The following ALPK1 variants were observed in gnomAD, a reference collection of about 807,000 sequenced individuals.
ALPK1 encodes the protein alpha kinase 1.
A neutral mutation model predicts 120.6 loss-of-function variants in ALPK1; 110 were observed. The observed-to-expected ratio is 0.91, with a 90% CI of 0.78 to 1.07. The LOEUF (loss-of-function observed/expected upper bound fraction) is 1.07, where lower values mean the gene tolerates loss of function less well. ALPK1 is among the 50% of genes least tolerant of loss of function. The pLI, the probability that ALPK1 is intolerant of heterozygous loss-of-function variation, is 0.00. For missense variants in ALPK1, 1,498 were observed against 1,483.9 expected (o/e 1.01, Z -0.16); for synonymous variants, 582 against 560.3 (o/e 1.04, Z -0.55).
chr4:112,383,776 A>G (rs1732026852), intron 4 of ALPK1: 1 of 152,180 alleles, frequency 6.6e-6, no homozygotes, highest in Admixed American at 6.5e-5. Flanking sequence ...CAGTAAATCC[A>G]TCATAAGTTG....
intron 1 of ALPK1, among the ~76,000 whole-genome samples, chr4:112,311,363 T>C (rs1206825845): frequency 1.3e-5 from 2 of 152,240 alleles, no homozygotes; most frequent in Non-Finnish European, 2.9e-5. Flanking sequence ...ACAATGCTTA[T>C]ATATATTATC....
At chr4:112,337,171 AT>A (rs1729656040) in intron 2 of ALPK1, among the ~76,000 whole-genome samples, 1 of 152,104 alleles carries the variant, frequency 6.6e-6, no homozygotes, top group Non-Finnish European at 1.5e-5. Flanking sequence ...TCTACTTTTT[AT>A]AAATCATTAT....
At chr4:112,378,104 CT>C (rs1429861435) in intron 3 of ALPK1, among the ~76,000 whole-genome samples, 1 of 151,624 alleles carries the variant, frequency 6.6e-6, no homozygotes, top group Non-Finnish European at 1.5e-5. Context: ...CACTGAATTG[CT>C]GTCAGTTCTA....
chr4:112,317,099 G>A (rs1275703955), intron 2 of ALPK1, among the ~76,000 whole-genome samples: 1 of 152,018 alleles, frequency 6.6e-6, no homozygotes, highest in Non-Finnish European at 1.5e-5. Context: ...TGATTTTTTT[G>A]TTGTTGAGTT....
At chr4:112,381,633 C>T (rs1476675564) in intron 3 of ALPK1, among the ~76,000 whole-genome samples, 1 of 152,150 alleles carries the variant, frequency 6.6e-6, no homozygotes, top group Non-Finnish European at 1.5e-5. Context: ...CAGTCAAACA[C>T]AAAAAATTTT....
intron 1 of ALPK1, among the ~76,000 whole-genome samples, chr4:112,301,685 A>G (rs571120056): frequency 6.6e-6 from 1 of 152,290 alleles, no homozygotes; most frequent in East Asian, 1.9e-4. Context: ...CCTCTGGGGC[A>G]TTTGATACAT....
At chr4:112,356,677 G>A in intron 2 of ALPK1, 2 of 963,370 alleles carry the variant, frequency 2.1e-6, no homozygotes, top group Non-Finnish European at 3.3e-6. Context: ...AGAAAAGCCT[G>A]GAGCAGGAGC....
chr4:112,428,904 C>T (rs1159839454), intron 9 of ALPK1, among the ~76,000 whole-genome samples: 1 of 152,228 alleles, frequency 6.6e-6, no homozygotes, highest in Non-Finnish European at 1.5e-5. Flanking sequence ...GAACAAAGAA[C>T]TGCCACCGTC....
intron 4 of ALPK1, among the ~76,000 whole-genome samples, chr4:112,390,330 C>T (rs969895568): frequency 6.6e-6 from 1 of 152,218 alleles, no homozygotes; most frequent in Non-Finnish European, 1.5e-5. Context: ...GCTCACATCT[C>T]AGTTCTCAGG....
intron 2 of ALPK1, among the ~76,000 whole-genome samples, chr4:112,335,256 T>C: frequency 7.2e-6 from 1 of 139,848 alleles, no homozygotes; most frequent in African/African-American, 2.7e-5. Context: ...AGAGTGAAAA[T>C]CTGTCTAAAA....
intron 2 of ALPK1, chr4:112,356,383 C>T (rs138915740): frequency 4.8e-6 from 4 of 835,910 alleles, no homozygotes; most frequent in Non-Finnish European, 8.4e-6. Context: ...CAGATCAGGC[C>T]TTTGTCATCC....
intron 4 of ALPK1, among the ~76,000 whole-genome samples, chr4:112,395,893 A>G (rs1732628488): frequency 6.6e-6 from 1 of 152,206 alleles, no homozygotes; most frequent in African/African-American, 2.4e-5. Context: ...ATGAGGCATC[A>G]TTTGTTGAAA....
chr4:112,423,625 G>C (rs1734097822), intron 5 of ALPK1: 1 of 460,506 alleles, frequency 2.2e-6, no homozygotes, highest in Admixed American at 2.8e-5. Context: ...AGTTTTCACA[G>C]GGAGGCGGCA....
In ALPK1 at chr4:112,301,222, T is replaced by C. The variant is rs538325305; in HGVS notation, c.-153+3753T>C. ...TGCCCCAAATAATTATTGTGAAAGA[T>C]AATAAACTGTAAGTGGTAACATCTC... On this transcript the variant is annotated intron_variant, in intron 1 of 15. Transcript: ENST00000650871. 3.9e-5 allele frequency among the ~76,000 whole-genome samples: 6 copies of C among 152,314 alleles called. No individual in the cohort carries two copies. The East Asian group carries it at 1.2e-3, about 29-fold the overall frequency.
chr4:112,311,998 T>C (rs1180163071), intron 1 of ALPK1, among the ~76,000 whole-genome samples: 2 of 152,164 alleles, frequency 1.3e-5, no homozygotes, highest in Non-Finnish European at 2.9e-5. Context: ...TTCTAAATCA[T>C]TTCTGAGTAC....
intron 4 of ALPK1, chr4:112,384,176 T>C (rs1732049206): frequency 6.6e-6 from 1 of 152,202 alleles, no homozygotes; most frequent in African/African-American, 2.4e-5. Flanking sequence ...AACAGACCAG[T>C]AAGTGGTGAA....
At chr4:112,399,331 G>A (rs1732804076) in intron 4 of ALPK1, among the ~76,000 whole-genome samples, 1 of 152,154 alleles carries the variant, frequency 6.6e-6, no homozygotes, top group Non-Finnish European at 1.5e-5. Context: ...GGATTGATTT[G>A]CTCAGCTAAA....
At chr4:112,339,197 C>A (rs147779543) in intron 2 of ALPK1, among the ~76,000 whole-genome samples, 129 of 152,218 alleles carry the variant, frequency 8.5e-4, no homozygotes, top group African/African-American at 2.9e-3. Context: ...GAGGGACAAC[C>A]CTGGATCTGA....
intron 5 of ALPK1, chr4:112,414,648 C>G (rs1352023669): frequency 3.0e-5 from 5 of 167,376 alleles, no homozygotes; most frequent in African/African-American, 1.2e-4. Flanking sequence ...GGCCTGCTCA[C>G]CTCACTCTTG....
Sources: gnomAD v4.1 joint callset for allele counts (sites outside exome capture counted in the v4.1 genomes callset) on GRCh38, gnomAD v4.1.1 for gene constraint, MANE v1.5 for transcripts, NCBI Gene and HGNC (gene_info 2026-07-23, HGNC 2026-07-21) for gene names.